Variants in LRP1B observed in about 807,000 individuals in gnomAD.
The protein encoded by LRP1B is LDL receptor related protein 1B.
In LRP1B, 217 loss-of-function variants were observed where a neutral mutation model predicts 556.6. The ratio of observed to expected loss-of-function variants is 0.39; its 90% CI spans 0.35 to 0.44. The LOEUF is 0.44. LRP1B is among the 20% of genes least tolerant of loss of function. LRP1B has a pLI of 1.00. For missense variants in LRP1B, 5,053 were observed against 5,620.8 expected (o/e 0.90, Z 3.23); for synonymous variants, 2,047 against 1,865.8 (o/e 1.10, Z -2.50).
chr2:140,687,031 T>C (rs1024035494), intron 41 of LRP1B, among the ~76,000 whole-genome samples: 5 of 152,080 alleles, frequency 3.3e-5, no homozygotes, highest in African/African-American at 1.2e-4. Context: ...GACTAACTGA[T>C]ATGATAGAGT....
At chr2:141,385,817 G>A (rs1689813502) in intron 3 of LRP1B, among the ~76,000 whole-genome samples, 1 of 152,160 alleles carries the variant, frequency 6.6e-6, no homozygotes, top group Admixed American at 6.5e-5. Flanking sequence ...ACCTGTCATC[G>A]TTTGCTGTTG....
At chr2:140,497,656 G>A (rs1212200699) in intron 55 of LRP1B, among the ~76,000 whole-genome samples, 1 of 151,758 alleles carries the variant, frequency 6.6e-6, no homozygotes, top group Non-Finnish European at 1.5e-5. Flanking sequence ...GTCACTTTAG[G>A]ACAAATGAAA....
chr2:140,402,427 A>G (rs1207185417), intron 66 of LRP1B, among the ~76,000 whole-genome samples: 1 of 152,202 alleles, frequency 6.6e-6, no homozygotes, highest in Non-Finnish European at 1.5e-5. Context: ...AGAGCTTTGC[A>G]TGGTTGCACC....
At chr2:140,273,142 C>T (rs1369676601) in intron 85 of LRP1B, among the ~76,000 whole-genome samples, 2 of 151,940 alleles carry the variant, frequency 1.3e-5, no homozygotes, top group African/African-American at 2.4e-5. Flanking sequence ...GATGTGATCT[C>T]GGATTACCCC....
chr2:141,519,360 GATATATATATATATATAT>G (rs60473210), intron 2 of LRP1B, among the ~76,000 whole-genome samples: 70 of 68,324 alleles, frequency 1.0e-3, no homozygotes, highest in African/African-American at 3.4e-3. Context: ...TTAAGTCAAT[GATATATATATATATATAT>G]ATATATATAT....
At chr2:141,394,442 T>C (rs1690167674) in intron 3 of LRP1B, among the ~76,000 whole-genome samples, 1 of 152,108 alleles carries the variant, frequency 6.6e-6, no homozygotes, top group Non-Finnish European at 1.5e-5. Context: ...ATTCTGGCAG[T>C]CTTTTTATCA....
chr2:140,741,779 G>A (rs1688148636), intron 35 of LRP1B, among the ~76,000 whole-genome samples: 1 of 151,036 alleles, frequency 6.6e-6, no homozygotes, highest in African/African-American at 2.4e-5. Flanking sequence ...CATAATATTA[G>A]GCCTCTGTGT....
intron 1 of LRP1B, among the ~76,000 whole-genome samples, chr2:141,979,956 T>C (rs1701997550): frequency 6.6e-6 from 1 of 152,278 alleles, no homozygotes; most frequent in Middle Eastern, 3.4e-3. Flanking sequence ...ATGTCTGTTC[T>C]CACTCATTAA....
chr2:141,114,023 C>T (rs1421871342), intron 7 of LRP1B, among the ~76,000 whole-genome samples: 3 of 152,204 alleles, frequency 2.0e-5, no homozygotes, highest in Non-Finnish European at 4.4e-5. Context: ...ATATGAAAAA[C>T]AATTCAATTT....
At chr2:142,072,066 C>G (rs1336341512) in intron 1 of LRP1B, among the ~76,000 whole-genome samples, 1 of 151,806 alleles carries the variant, frequency 6.6e-6, no homozygotes, top group East Asian at 1.9e-4. Flanking sequence ...ACAACACAAA[C>G]TCCACACCCT....
At chr2:142,083,006 C>A (rs1705777913) in intron 1 of LRP1B, among the ~76,000 whole-genome samples, 1 of 151,964 alleles carries the variant, frequency 6.6e-6, no homozygotes, top group Non-Finnish European at 1.5e-5. Context: ...AGATAAATAA[C>A]AAGAATCTAC....
At chr2:140,323,472 C>T (rs1205818409) in intron 81 of LRP1B, among the ~76,000 whole-genome samples, 1 of 151,916 alleles carries the variant, frequency 6.6e-6, no homozygotes, top group African/African-American at 2.4e-5. Context: ...TTCGTCTATG[C>T]ACTCACAAGG....
chr2:141,867,638 G>A (rs1490271951), intron 1 of LRP1B, among the ~76,000 whole-genome samples: 3 of 152,026 alleles, frequency 2.0e-5, no homozygotes, highest in Non-Finnish European at 4.4e-5. Flanking sequence ...ATAAGGTTTA[G>A]GATGCATTGC....
chr2:141,159,075 A>G (rs1259876199), intron 7 of LRP1B, among the ~76,000 whole-genome samples: 2 of 152,220 alleles, frequency 1.3e-5, no homozygotes, highest in Non-Finnish European at 2.9e-5. Flanking sequence ...AGTGAAGGAA[A>G]GAAAAGGAAA....
At chr2:141,552,051 C>T (rs946650791) in intron 2 of LRP1B, among the ~76,000 whole-genome samples, 1 of 151,882 alleles carries the variant, frequency 6.6e-6, no homozygotes, top group African/African-American at 2.4e-5. Context: ...AATACAAAAT[C>T]TTTTTTAAAT....
chr2:141,232,059 T>C, intron 5 of LRP1B, among the ~76,000 whole-genome samples: 1 of 152,308 alleles, frequency 6.6e-6, no homozygotes, highest in East Asian at 1.9e-4. Context: ...AACATAACCT[T>C]GTCAATTGAC....
At chr2:140,778,473 G>A (rs1235795078) in intron 32 of LRP1B, among the ~76,000 whole-genome samples, 1 of 151,930 alleles carries the variant, frequency 6.6e-6, no homozygotes, top group East Asian at 1.9e-4. Context: ...TGAGATTTCT[G>A]GAAATATTCA....
At chr2:140,251,261 T>G (rs1290217783) in intron 86 of LRP1B, among the ~76,000 whole-genome samples, 1 of 151,784 alleles carries the variant, frequency 6.6e-6, no homozygotes, top group Non-Finnish European at 1.5e-5. Flanking sequence ...GTTATTACAT[T>G]TAGTAGCATA....
intron 1 of LRP1B, among the ~76,000 whole-genome samples, chr2:141,981,584 T>C (rs550303387): frequency 1.3e-5 from 2 of 152,200 alleles, no homozygotes; most frequent in African/African-American, 2.4e-5. Flanking sequence ...AATAAACTGA[T>C]CTGTATTTTT....
Sources: gnomAD v4.1 joint callset for allele counts (sites outside exome capture counted in the v4.1 genomes callset) on GRCh38, gnomAD v4.1.1 for gene constraint, MANE v1.5 for transcripts, NCBI Gene and HGNC (gene_info 2026-07-23, HGNC 2026-07-21) for gene names.